SYT9: variants seen among roughly 807,000 people sequenced by gnomAD.
SYT9 encodes synaptotagmin-9.
Under a neutral mutation model 48.4 loss-of-function variants are expected in SYT9, and 22 were observed. The ratio of observed to expected loss-of-function variants is 0.45; its 90% CI spans 0.32 to 0.65. The LOEUF (loss-of-function observed/expected upper bound fraction) is 0.65, where lower values mean the gene tolerates loss of function less well. SYT9 is among the 30% of genes least tolerant of loss of function. SYT9 has a pLI of 0.03. For missense variants in SYT9, 577 were observed against 622.0 expected, an observed-to-expected ratio of 0.93 and a Z score of 0.77; for synonymous variants, 265 against 245.0, an observed-to-expected ratio of 1.08 and a Z score of -0.76.
In SYT9 at chr11:7,417,670, G is replaced by T. The variant is rs181028723; in HGVS notation, c.1166-287G>T. ...GCTATCCTGGCCAGGCCAGTCTTGA[G>T]TTCTAGCTGGAATGTCTCCTAATTC... is the stretch of plus-strand genomic sequence containing the variant. On this transcript the variant is annotated intron_variant, in intron 4 of 6. Transcript: ENST00000318881. 9.7e-4 allele frequency among the ~76,000 whole-genome samples: 148 copies of T among 152,310 alleles called. 1 individual carries two copies. Among genetic ancestry groups the T allele is most frequent in the East Asian group, 1.2e-3 (6 of 5,188 alleles).
intron 3 of SYT9, among the ~76,000 whole-genome samples, chr11:7,366,106 T>A (rs1850236328): frequency 6.6e-6 from 1 of 152,236 alleles, no homozygotes; most frequent in Non-Finnish European, 1.5e-5. Context: ...CAATCCTGGC[T>A]CCCATGATTC....
intron 6 of SYT9, chr11:7,439,568 A>G (rs1031806904): frequency 6.6e-6 from 1 of 152,374 alleles, no homozygotes; most frequent in African/African-American, 2.4e-5. Context: ...GACAGGCTGC[A>G]AGGTAGGAGG....
chr11:7,458,256 G>A (rs1305877705), intron 6 of SYT9, among the ~76,000 whole-genome samples: 1 of 152,148 alleles, frequency 6.6e-6, no homozygotes, highest in Non-Finnish European at 1.5e-5. Flanking sequence ...TGTGATGGGC[G>A]GATCACCTGA....
intron 1 of SYT9, among the ~76,000 whole-genome samples, chr11:7,244,354 C>T (rs1341726925): frequency 6.6e-6 from 1 of 152,178 alleles, no homozygotes; most frequent in Non-Finnish European, 1.5e-5. Flanking sequence ...ATAACACACA[C>T]ATGGGCAAAA....
intron 1 of SYT9, among the ~76,000 whole-genome samples, chr11:7,240,698 T>G (rs1446373783): frequency 2.0e-5 from 3 of 152,214 alleles, no homozygotes; most frequent in Non-Finnish European, 4.4e-5. Context: ...AATGAGCTTT[T>G]TTATATCTTA....
rs1432887252 is a variant in SYT9 at position 7,313,880 on chromosome 11, T to C, written c.983T>C (p.Leu328Pro). The change falls in exon 3 of 7, where the codon CTA becomes CCA. Residue 328 changes from leucine to proline, a missense_variant. Physicochemically the swap from Leu to Pro is moderately conservative, Grantham distance 98 (BLOSUM62 -3). Transcript: ENST00000318881. ...GGCCAAGTGGTGGTGGATCACTTCCTAGACTTGGCTGATTTCCCCAGGGAG... is the reference window on the plus strand; with the variant it reads ...GGCCAAGTGGTGGTGGATCACTTCCCAGACTTGGCTGATTTCCCCAGGGAG... ...LIGQVVVDHF[L>P]DLADFPRECI... 1 of 1,614,144 alleles carries C rather than the reference T, an allele frequency of 6.2e-7. No individual in the cohort carries two copies. The highest frequency in any genetic ancestry group is 1.7e-5 in the Admixed American group (1 of 60,020).
chr11:7,286,719 G>A (rs915202914), intron 1 of SYT9, among the ~76,000 whole-genome samples: 2 of 152,118 alleles, frequency 1.3e-5, no homozygotes, highest in Admixed American at 6.5e-5. Context: ...TCTCTTTCTA[G>A]TTCAAAGTTC....
chr11:7,314,307 G>T (rs1289988829), intron 3 of SYT9: 2 of 410,038 alleles, frequency 4.9e-6, no homozygotes, highest in African/African-American at 4.1e-5. Context: ...GTAGTCTGCA[G>T]CTAAGAGACC....
In SYT9 at chr11:7,252,567, G is replaced by A. The variant is rs973537112; in HGVS notation, c.145+236G>A. ...CCGGGTCGGCTAGGGCAGGGTTGGA[G>A]GGACCACGCCCGCCACCTGCGCTCC... is the stretch of plus-strand genomic sequence containing the variant. On this transcript the variant is annotated intron_variant, in intron 1 of 6. Transcript: ENST00000318881. The surrounding 1 kb of genome is among the most constrained non-coding windows in gnomAD (Gnocchi z 6.3). Among the ~76,000 whole-genome samples the A allele has an allele frequency of 1.3e-5, 2 of 152,132 alleles. No individual in the cohort carries two copies. Among genetic ancestry groups the A allele is most frequent in the Admixed American group, 6.5e-5 (1 of 15,284 alleles).
rs935796964 is a variant in SYT9, at chr11:7,243,889, C to T, written c.49+4973C>T. 3.9e-5 allele frequency among the ~76,000 whole-genome samples: 6 copies of T among 152,214 alleles called. No homozygotes were observed. In the South Asian group the frequency reaches 1.0e-3, roughly 26 times the overall value. ...GACTGCAGCAGTTGCCCAGACCTGCCCAGGATGAGAGTCGTCAGCCACTTT... is the reference window on the plus strand; with the variant it reads ...GACTGCAGCAGTTGCCCAGACCTGCTCAGGATGAGAGTCGTCAGCCACTTT... On this transcript the variant is annotated intron_variant and NMD_transcript_variant, in intron 1 of 8. Transcript: ENST00000524820.
At chr11:7,335,814 G>A (rs1025682058) in intron 3 of SYT9, among the ~76,000 whole-genome samples, 10 of 152,110 alleles carry the variant, frequency 6.6e-5, no homozygotes, top group Admixed American at 2.6e-4. Flanking sequence ...ATATACACAT[G>A]CATGTGTCTT....
chr11:7,309,976 A>G (rs910148052), intron 2 of SYT9, among the ~76,000 whole-genome samples: 6 of 152,220 alleles, frequency 3.9e-5, no homozygotes, highest in African/African-American at 1.4e-4. Context: ...TGTCTGCTTT[A>G]AGCCACTACC....
intron 4 of SYT9, among the ~76,000 whole-genome samples, chr11:7,416,582 T>A (rs538671752): frequency 1.3e-5 from 2 of 152,364 alleles, no homozygotes; most frequent in East Asian, 3.9e-4. Flanking sequence ...TACAGTTTTT[T>A]AAACAATACA....
At chr11:7,428,026 C>T (rs530090415) in intron 6 of SYT9, 85 of 152,226 alleles carry the variant, frequency 5.6e-4, no homozygotes, top group African/African-American at 1.9e-3. Flanking sequence ...AGCAAATCTT[C>T]TTTCTTGTAT....
At chr11:7,323,391 T>A (rs1302362350) in intron 3 of SYT9, among the ~76,000 whole-genome samples, 1 of 152,132 alleles carries the variant, frequency 6.6e-6, no homozygotes, top group Non-Finnish European at 1.5e-5. Context: ...ACAATAATAC[T>A]ATGCATGAAT....
At chr11:7,464,186 T>C (rs34089754) in intron 6 of SYT9, among the ~76,000 whole-genome samples, 23,997 of 152,068 alleles carry the variant, frequency 0.16, 1,928 homozygotes, top group South Asian at 0.28. Flanking sequence ...GCAAACAAGA[T>C]ACATATGCAT....
chr11:7,265,870 A>G (rs1027267683), intron 1 of SYT9, among the ~76,000 whole-genome samples: 2 of 152,266 alleles, frequency 1.3e-5, no homozygotes, highest in Admixed American at 6.5e-5. Context: ...TAGGATAACC[A>G]TACGGTACAT....
chr11:7,292,098 G>T (rs1848706145), intron 1 of SYT9, among the ~76,000 whole-genome samples: 1 of 152,056 alleles, frequency 6.6e-6, no homozygotes, highest in South Asian at 2.1e-4. Context: ...TCTCATGGAA[G>T]GCAAAAATGG....
intron 1 of SYT9, among the ~76,000 whole-genome samples, chr11:7,264,785 G>T (rs924371178): frequency 3.3e-5 from 5 of 152,092 alleles, no homozygotes; most frequent in Non-Finnish European, 7.4e-5. Context: ...TTTTGGAAGT[G>T]TTATCGACAT....
Sources: gnomAD v4.1 joint callset for allele counts (sites outside exome capture counted in the v4.1 genomes callset) on GRCh38, gnomAD v4.1.1 for gene constraint, Gnocchi (gnomAD v3.1) non-coding constraint, MANE v1.5 for transcripts, NCBI Gene and HGNC (gene_info 2026-07-23, HGNC 2026-07-21) for gene names.